TAF2: variants seen among roughly 807,000 people sequenced by gnomAD.
The protein encoded by TAF2 is TATA-box binding protein associated factor 2.
In TAF2, 61 loss-of-function variants were observed where a neutral mutation model predicts 138.5. The ratio of observed to expected loss-of-function variants is 0.44; its 90% CI spans 0.36 to 0.54. TAF2 has a LOEUF of 0.54. TAF2 is among the 20% of genes least tolerant of loss of function. The probability of loss-of-function intolerance (pLI) is 0.00; values close to 1 mark genes in which losing one functional copy is unlikely to be tolerated. For missense variants in TAF2, 1,090 were observed against 1,427.9 expected, an observed-to-expected ratio of 0.76 and a Z score of 3.81; for synonymous variants, 475 against 469.9, an observed-to-expected ratio of 1.01 and a Z score of -0.14.
chr8:119,813,939 G>C (rs1465656631), intron 3 of TAF2, among the ~76,000 whole-genome samples: 4 of 152,058 alleles, frequency 2.6e-5, no homozygotes, highest in Non-Finnish European at 5.9e-5. Flanking sequence ...AACATAGTGA[G>C]ACCATGCATC....
At chr8:119,738,515 T>C (rs1247550298) in intron 25 of TAF2, among the ~76,000 whole-genome samples, 1 of 152,130 alleles carries the variant, frequency 6.6e-6, no homozygotes, top group Non-Finnish European at 1.5e-5. Flanking sequence ...AGCAAATATA[T>C]CAGAGAAAGG....
chr8:119,796,959 T>C, intron 8 of TAF2, 31 bp downstream of exon 8: 4 of 1,448,506 alleles, frequency 2.8e-6, no homozygotes, highest in South Asian at 2.3e-5. Flanking sequence ...TTGATTCTCT[T>C]CTCAGTAGTA....
chr8:119,790,011 A>G (rs1823308404), intron 11 of TAF2, among the ~76,000 whole-genome samples: 1 of 152,080 alleles, frequency 6.6e-6, no homozygotes, highest in Admixed American at 6.5e-5. Context: ...AGAATAATAT[A>G]TAATACCTAT....
chr8:119,748,929 A>C (rs201764677), intron 22 of TAF2, among the ~76,000 whole-genome samples: 20 of 151,280 alleles, frequency 1.3e-4, no homozygotes, highest in East Asian at 5.8e-4. Flanking sequence ...AAAAAAAAAA[A>C]ACAAAAAACA....
rs144824969 is a variant in TAF2 at position 119,748,137 on chromosome 8, A to C, written c.2879-1203T>G. ...AGGCCTTGTCTCAAAAAATAAAGAA[A>C]GGAAGGAAGGGAGGGAGGGAAGGGG... On this transcript the variant is annotated intron_variant, in intron 22 of 25. Coordinates refer to ENST00000378164, the MANE Select transcript of TAF2 (RefSeq NM_003184.4). Among the ~76,000 whole-genome samples the C allele has an allele frequency of 2.6e-3, 394 of 150,164 alleles. 2 individuals carry two copies. The highest frequency in any genetic ancestry group is 8.9e-3 in the African/African-American group (368 of 41,134).
Position 119,832,413 on chromosome 8 carries a change from A to C in TAF2, c.83+69T>G, listed in dbSNP as rs1826518567. The C allele has an allele frequency of 2.0e-6, 3 of 1,483,262 alleles. No homozygotes were observed. The South Asian group carries it at 3.4e-5, about 17-fold the overall frequency. The allele number at this position is 1,483,262 out of a possible 1,614,324, so 91.9% of individuals were successfully genotyped here. ...TTCCCAGGCCCACCAAGTCAATTTC[A>C]AGCAATCGCAAAATATAATTAATGG... is the stretch of plus-strand genomic sequence containing the variant. On this transcript the variant is annotated intron_variant, in intron 1 of 25. Transcript: ENST00000378164.
At chr8:119,742,158 T>A (rs1819639260) in intron 25 of TAF2, among the ~76,000 whole-genome samples, 1 of 152,206 alleles carries the variant, frequency 6.6e-6, no homozygotes, top group Admixed American at 6.5e-5. Flanking sequence ...ACAAATTAGA[T>A]GGTTTCTATT....
At position 119,831,778 on chromosome 8, in the gene TAF2, T is replaced by C. The variant is rs1221088825; in HGVS notation, c.84-47A>G. ...GAAAATAAGGAAAAAATAATTTTTA[T>C]TATTAAATCAAAGTATAATTCTATC... On this transcript the variant is annotated intron_variant, in intron 1 of 25. Coordinates refer to ENST00000378164, the MANE Select transcript of TAF2 (RefSeq NM_003184.4). The C allele has an allele frequency of 4.0e-6, 5 of 1,254,452 alleles. No individual in the cohort carries two copies. In the East Asian group the frequency reaches 1.3e-4, roughly 33 times the overall value. The allele number at this position is 1,254,452 out of a possible 1,614,324, so 77.7% of individuals were successfully genotyped here.
chr8:119,817,104 C>T (rs1825527172), intron 3 of TAF2, among the ~76,000 whole-genome samples: 1 of 152,204 alleles, frequency 6.6e-6, no homozygotes, highest in Non-Finnish European at 1.5e-5. Flanking sequence ...CCATGGCCAA[C>T]AGAGCTATGG....
chr8:119,823,459 A>G lies in TAF2; in HGVS notation c.139-3953T>C, dbSNP rs116518479. 9.1e-3 allele frequency among the ~76,000 whole-genome samples: 1,379 copies of G among 151,680 alleles called. 20 individuals are homozygous for G. Among genetic ancestry groups the G allele is most frequent in the African/African-American group, 0.032 (1,315 of 41,168 alleles). On this transcript the variant is annotated intron_variant, in intron 2 of 25. Transcript: ENST00000378164. ...CTCATGAAATCTGATGGTTTGAAAA[A>G]CGGGAATTTTTCTGCACAAGCTCTT...
chr8:119,781,068 G>C lies in TAF2; in HGVS notation c.2238C>G (p.Ser746Arg). ...VKTNNFMSFQSYFLQKTMPVA... is the reference protein window; with the variant it reads ...VKTNNFMSFQRYFLQKTMPVA... ...TAAACTGTACCTTCTGTAGAAAATAGCTTTGAAAGCTCATAAAGTTGTTTG... is the reference window on the plus strand; with the variant it reads ...TAAACTGTACCTTCTGTAGAAAATACCTTTGAAAGCTCATAAAGTTGTTTG... Residue 746 changes from serine (S) to arginine (R), a missense_variant, in exon 17 of 26, where the codon AGC becomes AGG. Ser to Arg is a moderately radical substitution (Grantham distance 110, BLOSUM62 -1). This residue lies in a region of TAF2 where 580 missense variants were observed against 719.6 expected (regional missense o/e 0.81). Transcript: ENST00000378164. 4 of 1,612,974 alleles carry C rather than the reference G, an allele frequency of 2.5e-6. No individual in the cohort carries two copies. Among genetic ancestry groups the C allele is most frequent in the Non-Finnish European group, 3.4e-6 (4 of 1,179,862 alleles).
chr8:119,772,453 C>T (rs1330184012), intron 18 of TAF2, among the ~76,000 whole-genome samples: 1 of 151,976 alleles, frequency 6.6e-6, no homozygotes, highest in African/African-American at 2.4e-5. Context: ...TCCAAAAGAG[C>T]GGAGGCTAGG....
At chr8:119,783,101 T>A (rs1163259870) in intron 16 of TAF2, among the ~76,000 whole-genome samples, 1 of 152,250 alleles carries the variant, frequency 6.6e-6, no homozygotes, top group Non-Finnish European at 1.5e-5. Context: ...TTCTTCGCTT[T>A]AAAAATGTGG....
At chr8:119,733,787 C>G (rs1055782689) in intron 25 of TAF2, among the ~76,000 whole-genome samples, 4 of 151,942 alleles carry the variant, frequency 2.6e-5, no homozygotes, top group Admixed American at 6.6e-5. Flanking sequence ...TCCGCCCCCC[C>G]CCATCCTAAT....
At chr8:119,832,372 T>C (rs928457448) in intron 1 of TAF2, 110 bp downstream of exon 1, 1 of 959,860 alleles carries the variant, frequency 1.0e-6, no homozygotes, top group Non-Finnish European at 1.6e-6. Context: ...GAGTAAATTC[T>C]AGTTTCCCAC....
At chr8:119,782,274 T>C (rs1397221643) in intron 16 of TAF2, among the ~76,000 whole-genome samples, 2 of 152,190 alleles carry the variant, frequency 1.3e-5, no homozygotes, top group East Asian at 1.9e-4. Flanking sequence ...CTTTACCCTA[T>C]GTCTTGCTAT....
At chr8:119,801,755 G>T (rs745457052) in intron 6 of TAF2, 39 bp downstream of exon 6, 8 of 1,579,924 alleles carry the variant, frequency 5.1e-6, no homozygotes, top group East Asian at 2.2e-5. Flanking sequence ...AAGCAGTAAA[G>T]GGCCAGGAGG....
chr8:119,744,717 A>G (rs1474144593), intron 23 of TAF2: 2 of 393,492 alleles, frequency 5.1e-6, no homozygotes, highest in Non-Finnish European at 4.8e-6. Flanking sequence ...GTGATAATAT[A>G]AGTTAAATAC....
At chr8:119,807,549 G>A (rs1219437073) in intron 3 of TAF2, among the ~76,000 whole-genome samples, 1 of 152,188 alleles carries the variant, frequency 6.6e-6, no homozygotes, top group Non-Finnish European at 1.5e-5. Context: ...ACACCTTTAT[G>A]TCTGCCATCC....
Sources: allele counts gnomAD v4.1 joint callset (sites outside exome capture counted in the v4.1 genomes callset), GRCh38; gene constraint gnomAD v4.1.1; regional missense constraint gnomAD v4.1.1; transcripts MANE v1.5; gene names NCBI Gene and HGNC (gene_info 2026-07-23, HGNC 2026-07-21).